PDCD2: variants seen among roughly 807,000 people sequenced by gnomAD.
PDCD2 encodes programmed cell death 2.
In PDCD2, 38 loss-of-function variants were observed where a neutral mutation model predicts 38.1. The ratio of observed to expected loss-of-function variants is 1.00; its 90% CI spans 0.77 to 1.31. PDCD2 has a LOEUF of 1.31. PDCD2 is among the 50% of genes most tolerant of loss of function. The probability of loss-of-function intolerance (pLI) is 0.00; values close to 1 mark genes in which losing one functional copy is unlikely to be tolerated. For synonymous variants in PDCD2, 205 were observed against 168.9 expected, an observed-to-expected ratio of 1.21 and a Z score of -1.66; for missense variants, 473 against 435.7, an observed-to-expected ratio of 1.09 and a Z score of -0.76.
At position 170,576,367 on chromosome 6, in the gene PDCD2, T is replaced by C. The variant is rs557427499; in HGVS notation, c.*1192A>G. The C allele has an allele frequency of 4.6e-5, 7 of 152,378 alleles. No homozygotes were observed. Among genetic ancestry groups the C allele is most frequent in the Non-Finnish European group, 8.8e-5 (6 of 68,040 alleles). 9.4% of individuals were successfully genotyped at this position (152,378 alleles called of 1,614,324 possible). On this transcript the variant is annotated 3_prime_UTR_variant, in exon 6 of 6. Coordinates refer to ENST00000541970, the MANE Select transcript of PDCD2 (RefSeq NM_002598.4). ...TTACCTATGAAAACGTGAGGATTTA[T>C]GGTGGCAATGCATTTCAGTTAACAG...
At chr6:170,577,876 T>C (rs887671049) in intron 5 of PDCD2, among the ~76,000 whole-genome samples, 159 bp from the exon 6 acceptor site, 2 of 152,238 alleles carry the variant, frequency 1.3e-5, no homozygotes, top group African/African-American at 4.8e-5. Context: ...AATCTAAAAC[T>C]TCCTTATGAC....
In PDCD2 at chr6:170,584,576, AGCCATGC is replaced by A. The variant is rs1192505147; in HGVS notation, c.-2_5del. The A allele has an allele frequency of 2.3e-5, 29 of 1,270,742 alleles. No homozygotes were observed. The highest frequency in any genetic ancestry group is 2.9e-5 in the Non-Finnish European group (29 of 1,010,970). The allele number at this position is 1,270,742 out of a possible 1,614,324, so 78.7% of individuals were successfully genotyped here. ...GCTCCACAGGCCTGGCCCCGGCGGCAGCCATGCGGGGCGCGGGCTGGCGTGGGGCGCA... is the reference window on the plus strand; with the variant it reads ...GCTCCACAGGCCTGGCCCCGGCGGCAGGGGCGCGGGCTGGCGTGGGGCGCA... On this transcript the variant is annotated start_lost and 5_prime_UTR_variant, in exon 1 of 6. Coordinates refer to ENST00000541970, the MANE Select transcript of PDCD2 (RefSeq NM_002598.4).
At position 170,577,603 on chromosome 6, in the gene PDCD2, T is replaced by C; in HGVS notation, c.991A>G (p.Thr331Ala). ...AESCSLGTGY[T>A]EEFVWKQDVT... ...TCCTGCTTCCACACAAATTCTTCTG[T>C]ATAGCCAGTACCCAAGCTGCAGCTC... Residue 331 changes from threonine to alanine, a missense_variant, in exon 6 of 6, where the codon ACA becomes GCA. By Grantham distance (58) the Thr-to-Ala change is moderately conservative. Coordinates refer to ENST00000541970, the MANE Select transcript of PDCD2 (RefSeq NM_002598.4). 6.2e-7 allele frequency: 1 copy of C among 1,614,144 alleles called. No individual in the cohort carries two copies.
rs1239007628 is a variant in PDCD2, at chr6:170,578,887, G to C, written c.846C>G (p.Pro282=). The change falls in exon 5 of 6, where the codon CCC becomes CCG. Residue 282 remains proline (P), a synonymous_variant. Coordinates refer to ENST00000541970, the MANE Select transcript of PDCD2 (RefSeq NM_002598.4). ...IPQEKDIPDC[P]CGAKRILEFQ... ...ATTCCAATATTCTCTTGGCACCACA[G>C]GGGCAATCTGGAATATCCTTTTCTT... 1 of 1,610,648 alleles carries C rather than the reference G, an allele frequency of 6.2e-7. No homozygotes were observed. The highest frequency in any genetic ancestry group is 8.5e-7 in the Non-Finnish European group (1 of 1,177,692).
chr6:170,583,328 C>T lies in PDCD2; in HGVS notation c.527-140G>A, dbSNP rs542376708. Reference sequence around the variant, plus strand: ...CATAAATTAAATGCCTATATGGTGACATTATTCAGTGATTCAGACTTCACA... The same window carrying T: ...CATAAATTAAATGCCTATATGGTGATATTATTCAGTGATTCAGACTTCACA... On this transcript the variant is annotated intron_variant, in intron 2 of 5. Transcript: ENST00000541970. The T allele has an allele frequency of 4.8e-4, 426 of 890,650 alleles. 2 individuals carry two copies. In the African/African-American group the frequency reaches 5.5e-3, roughly 11 times the overall value. The allele number at this position is 890,650 out of a possible 1,614,324, so 55.2% of individuals were successfully genotyped here.
chr6:170,579,681 G>A (rs888498746), intron 4 of PDCD2: 2 of 184,602 alleles, frequency 1.1e-5, no homozygotes, highest in Non-Finnish European at 2.2e-5. Flanking sequence ...TGGCGGGGGG[G>A]CCAATGGTGC....
rs1268256320 is a variant in PDCD2, at chr6:170,583,623, C to T, written c.408G>A (p.Arg136=). ...LQLKSGAHLC[R]VCGCLGPKTC... is the part of the protein sequence containing the mutation. Reference sequence around the variant, plus strand: ...TTTTGGGGCCTAAACAGCCACAAACCCTGCAGAGATGAGCACCAGACTTAA... The same window carrying T: ...TTTTGGGGCCTAAACAGCCACAAACTCTGCAGAGATGAGCACCAGACTTAA... The change falls in exon 2 of 6, where the codon AGG becomes AGA. Residue 136 remains arginine, a synonymous_variant. Coordinates refer to ENST00000541970, the MANE Select transcript of PDCD2 (RefSeq NM_002598.4). The T allele has an allele frequency of 6.2e-7, 1 of 1,613,928 alleles. No homozygotes were observed. The highest frequency in any genetic ancestry group is 8.5e-7 in the Non-Finnish European group (1 of 1,179,936).
intron 1 of PDCD2, chr6:170,583,959 T>C: frequency 1.7e-6 from 1 of 572,280 alleles, no homozygotes; most frequent in Non-Finnish European, 3.1e-6. Flanking sequence ...ATCAAATTAA[T>C]AAGACTGATC....
chr6:170,579,267 TAAG>T (rs1562366944), intron 4 of PDCD2: 4 of 287,516 alleles, frequency 1.4e-5, no homozygotes, highest in Admixed American at 5.5e-5. Flanking sequence ...GTGAAGGGAC[TAAG>T]AATGAGCCTC....
Position 170,580,102 on chromosome 6 carries a change from T to A in PDCD2, c.662A>T (p.Glu221Val), listed in dbSNP as rs917342588. The A allele has an allele frequency of 6.3e-7, 1 of 1,591,764 alleles. No homozygotes were observed. Among genetic ancestry groups the A allele is most frequent in the Admixed American group, 1.7e-5 (1 of 59,896 alleles). The change falls in exon 4 of 6, where the codon GAA becomes GTA. Residue 221 changes from glutamate to valine, a missense_variant. Physicochemically the swap from Glu to Val is moderately radical, Grantham distance 121. Transcript: ENST00000541970. Reference sequence around the variant, plus strand: ...GGAATCCAGTTCTTCCTCAAGTGCTTCACCTGAAAAATCAACGTAACTATT... The same window carrying A: ...GGAATCCAGTTCTTCCTCAAGTGCTACACCTGAAAAATCAACGTAACTATT... ...DYSEIIGSMG[E>V]ALEEELDSMA...
At position 170,584,540 on chromosome 6, in the gene PDCD2, G is replaced by A. The variant is rs527284090; in HGVS notation, c.42C>T (p.Ala14=). The A allele has an allele frequency of 2.7e-5, 37 of 1,361,400 alleles. No individual in the cohort carries two copies. The South Asian group carries it at 6.1e-4, about 23-fold the overall frequency. 84.3% of individuals were successfully genotyped at this position (1,361,400 alleles called of 1,614,324 possible). A position where few individuals can be genotyped will look rare whatever the true frequency, so the allele number is the denominator to read the frequency against. Residue 14 remains alanine, a synonymous_variant, in exon 1 of 6, where the codon GCC becomes GCT. Coordinates refer to ENST00000541970, the MANE Select transcript of PDCD2 (RefSeq NM_002598.4). ...AGARPVELGF[A]ESAPAWRLRS... is the part of the protein sequence containing the mutation. ...GCAGTCGCCACGCCGGCGCCGACTC[G>A]GCGAAGCCCAGCTCCACAGGCCTGG...
In PDCD2 at chr6:170,577,382, T is replaced by TTTA; in HGVS notation, c.*174_*176dup. 1.7e-6 allele frequency: 1 copy of TTTA among 580,966 alleles called. No individual in the cohort carries two copies. The highest frequency in any genetic ancestry group is 2.3e-5 in the South Asian group (1 of 44,208). The allele number at this position is 580,966 out of a possible 1,614,324, so 36.0% of individuals were successfully genotyped here. A position where few individuals can be genotyped will look rare whatever the true frequency, so the allele number is the denominator to read the frequency against. On this transcript the variant is annotated 3_prime_UTR_variant, in exon 6 of 6. Transcript: ENST00000541970. Reference sequence around the variant, plus strand: ...TCCTCTGTGGATGTACCAAAATTTATTTAATTCCCTGTCACTGGACACTTT... The same window carrying TTTA: ...TCCTCTGTGGATGTACCAAAATTTATTTATTAATTCCCTGTCACTGGACACTTT...
Position 170,584,414 on chromosome 6 carries a change from G to A in PDCD2, c.168C>T (p.Arg56=), listed in dbSNP as rs752501719. ...ACACCTGCAGCAGGAAGGAGAGCGG[G>A]CGGCCGCACAGCTCGCAGGCCAGGG... ...PQALACELCG[R]PLSFLLQVYA... is the part of the protein sequence containing the mutation. Residue 56 remains arginine, a synonymous_variant, in exon 1 of 6, where the codon CGC becomes CGT. Transcript: ENST00000541970. The A allele has an allele frequency of 9.9e-6, 14 of 1,413,398 alleles. No homozygotes were observed. In the Middle Eastern group the frequency reaches 1.3e-3, roughly 135 times the overall value. 87.6% of individuals were successfully genotyped at this position (1,413,398 alleles called of 1,614,324 possible). A position where few individuals can be genotyped will look rare whatever the true frequency, so the allele number is the denominator to read the frequency against.
chr6:170,576,359 A>G lies in PDCD2; in HGVS notation c.*1200T>C, dbSNP rs1779452498. The G allele has an allele frequency of 6.6e-6, 1 of 152,242 alleles. No individual in the cohort carries two copies. The highest frequency in any genetic ancestry group is 2.4e-5 in the African/African-American group (1 of 41,466). The allele number at this position is 152,242 out of a possible 1,614,324, so 9.4% of individuals were successfully genotyped here. ...AAGTGATGTTACCTATGAAAACGTGAGGATTTATGGTGGCAATGCATTTCA... is the reference window on the plus strand; with the variant it reads ...AAGTGATGTTACCTATGAAAACGTGGGGATTTATGGTGGCAATGCATTTCA... On this transcript the variant is annotated 3_prime_UTR_variant, in exon 6 of 6. Coordinates refer to ENST00000541970, the MANE Select transcript of PDCD2 (RefSeq NM_002598.4).
Position 170,582,837 on chromosome 6 carries a change from G to A in PDCD2, c.658+220C>T, listed in dbSNP as rs1779655239. On this transcript the variant is annotated intron_variant, in intron 3 of 5. Transcript: ENST00000541970. ...GCAGCCCTACTCATGGGACCATCTG[G>A]ATACCCACCCTTGTCTTTACAGGGA... 2.2e-6 allele frequency: 3 copies of A among 1,347,378 alleles called. No homozygotes were observed. The South Asian group carries it at 6.0e-5, about 27-fold the overall frequency. The allele number at this position is 1,347,378 out of a possible 1,614,324, so 83.5% of individuals were successfully genotyped here. A position where few individuals can be genotyped will look rare whatever the true frequency, so the allele number is the denominator to read the frequency against.
chr6:170,575,390 A>ATGC lies in PDCD2; in HGVS notation c.*2166_*2168dup, dbSNP rs1779429383. ...CTGAAATAAAAAGGCAAAGCTGAAT[A>ATGC]TGCTGCTCTCTACAGCAGAGGGAGC... On this transcript the variant is annotated 3_prime_UTR_variant, in exon 6 of 6. Coordinates refer to ENST00000541970, the MANE Select transcript of PDCD2 (RefSeq NM_002598.4). The ATGC allele has an allele frequency of 6.6e-6, 1 of 152,056 alleles. No individual in the cohort carries two copies. The highest frequency in any genetic ancestry group is 1.5e-5 in the Non-Finnish European group (1 of 68,014). 9.4% of individuals were successfully genotyped at this position (152,056 alleles called of 1,614,324 possible). A position where few individuals can be genotyped will look rare whatever the true frequency, so the allele number is the denominator to read the frequency against.
chr6:170,578,454 C>T, intron 5 of PDCD2: 2 of 567,186 alleles, frequency 3.5e-6, no homozygotes, highest in South Asian at 2.4e-5. Context: ...ATCCACAAAC[C>T]AAGATTAAAC....
In PDCD2 at chr6:170,584,287, T is replaced by C. The variant is rs770057477; in HGVS notation, c.283+12A>G. ...AGGCATGGCCCCGTCCCGACCCCGT[T>C]TGGCGGCTCACCTCGCAGGCCGGCA... On this transcript the variant is annotated intron_variant, in intron 1 of 5. Transcript: ENST00000541970. 21 of 1,421,682 alleles carry C rather than the reference T, an allele frequency of 1.5e-5. No individual in the cohort carries two copies. The Admixed American group carries it at 4.6e-4, about 31-fold the overall frequency. The allele number at this position is 1,421,682 out of a possible 1,614,324, so 88.1% of individuals were successfully genotyped here.
intron 3 of PDCD2, chr6:170,581,022 G>A (rs1408396422): frequency 1.3e-5 from 2 of 152,126 alleles, no homozygotes; most frequent in African/African-American, 4.8e-5. Flanking sequence ...CACTGTAAAT[G>A]CTGTTCCCTC....
Sources: allele counts gnomAD v4.1 joint callset (sites outside exome capture counted in the v4.1 genomes callset), GRCh38; gene constraint gnomAD v4.1.1; transcripts MANE v1.5; gene names NCBI Gene and HGNC (gene_info 2026-07-23, HGNC 2026-07-21).